PLXNB3: variants seen among roughly 807,000 people sequenced by gnomAD.
The protein encoded by PLXNB3 is plexin B3, also known as plexin-B3.
PLXNB3 carries 80 observed loss-of-function variants against 125.7 expected under a neutral mutation model. The observed-to-expected ratio is 0.64, with a 90% CI of 0.53 to 0.77. The LOEUF (loss-of-function observed/expected upper bound fraction) is 0.77. Among genes scored for constraint, PLXNB3 ranks in the 30% least tolerant of loss-of-function variants. PLXNB3 has a pLI of 0.00. For missense variants in PLXNB3, 1,836 were observed against 1,729.3 expected, an observed-to-expected ratio of 1.06 and a Z score of -1.09; for synonymous variants, 954 against 783.3, an observed-to-expected ratio of 1.22 and a Z score of -3.64.
chrX:153,774,927 G>A lies in PLXNB3; in HGVS notation c.3979G>A (p.Gly1327Arg), dbSNP rs781827931. 22 of 1,189,591 alleles carry A rather than the reference G, an allele frequency of 1.8e-5. No individual in the cohort carries two copies. Among genetic ancestry groups the A allele is most frequent in the African/African-American group, 1.0e-4 (6 of 57,375 alleles). The part of the protein sequence containing the change: ...TDLSSDLEGS[G>R]IPFLDYRTYA... Reference sequence around the variant, plus strand: ...CCTCAGCAGCGACCTGGAGGGCAGCGGGATCCCCTTCCTGGACTACCGCAC... The same window carrying A: ...CCTCAGCAGCGACCTGGAGGGCAGCAGGATCCCCTTCCTGGACTACCGCAC... The change falls in exon 24 of 36, where the codon GGG becomes AGG. Residue 1327 changes from glycine to arginine, a missense_variant. Physicochemically the swap from Gly to Arg is moderately radical, Grantham distance 125. Coordinates refer to ENST00000361971, the MANE Select transcript of PLXNB3 (RefSeq NM_005393.3).
At chrX:153,769,707 C>A in intron 6 of PLXNB3, 100 bp from the exon 7 acceptor site, 1 of 891,324 alleles carries the variant, frequency 1.1e-6, no homozygotes, top group Non-Finnish European at 1.6e-6. Flanking sequence ...TCATTGCACC[C>A]CACTGCACTC....
chrX:153,771,834 AC>A (rs2091934118), intron 14 of PLXNB3, 29 bp from the exon 15 acceptor site: 2 of 1,195,849 alleles, frequency 1.7e-6, no homozygotes, highest in African/African-American at 1.8e-5. Flanking sequence ...GGTGCGGGGG[AC>A]CCCATCTGCC....
chrX:153,774,962 G>A lies in PLXNB3; in HGVS notation c.4014G>A (p.Glu1338=), dbSNP rs781800524. 2.5e-6 allele frequency: 3 copies of A among 1,193,300 alleles called. No individual in the cohort carries two copies. The South Asian group carries it at 5.5e-5, about 22-fold the overall frequency. Residue 1338 remains glutamate, a synonymous_variant, in exon 24 of 36, where the codon GAG becomes GAA. Transcript: ENST00000361971. ...IPFLDYRTYA[E]RAFFPGHGGC... ...TCCTGGACTACCGCACCTACGCCGA[G>A]CGCGCCTTCTTCCCTGGCCATGGCG...
In PLXNB3 at chrX:153,773,854, C is replaced by A; in HGVS notation, c.3280-5C>A. On this transcript the variant is annotated splice_region_variant and splice_polypyrimidine_tract_variant and intron_variant, in intron 19 of 35. Coordinates refer to ENST00000361971, the MANE Select transcript of PLXNB3 (RefSeq NM_005393.3). ...CACCTGTGGTCGGCCCTGAATGCCC[C>A]ACAGTGCTCCACCGTCTGCTCCGTC... 3 of 1,211,038 alleles carry A rather than the reference C, an allele frequency of 2.5e-6. No individual in the cohort carries two copies. Among genetic ancestry groups the A allele is most frequent in the Non-Finnish European group, 3.4e-6 (3 of 895,436 alleles).
At chrX:153,765,370 G>T in intron 1 of PLXNB3, 101 bp from the exon 2 acceptor site, 1 of 588,084 alleles carries the variant, frequency 1.7e-6, no homozygotes, top group Non-Finnish European at 2.7e-6. Context: ...AGCTGTGAGG[G>T]AGCCCGGTCG....
At chrX:153,766,823 T>C in intron 2 of PLXNB3, 50 bp from the exon 3 acceptor site, 1 of 1,126,922 alleles carries the variant, frequency 8.9e-7, no homozygotes, top group Non-Finnish European at 1.2e-6. Context: ...CTTCCTCTGG[T>C]CCTCTATCTG....
chrX:153,768,142 G>A, intron 3 of PLXNB3, 107 bp from the exon 4 acceptor site: 9 of 905,398 alleles, frequency 9.9e-6, no homozygotes, highest in South Asian at 2.4e-5. Flanking sequence ...TGGGCCTTGG[G>A]GTCATCCCAG....
rs1557062506 is a variant in PLXNB3 at position 153,772,920 on chromosome X, GC to G, written c.2815del (p.Gln939ArgfsTer80). ...CTGCTGAGCCTGAGTCCTCGCTGGG[GC>G]CCCCAGGCAGGGGGCACCCAGCTCA... Reference protein sequence around the residue: ...PVLLSLSPRWGPQAGGTQLTI... With the variant: ...PVLLSLSPRWXPQAGGTQLTI... On this transcript the variant is annotated frameshift_variant, in exon 17 of 36. Coordinates refer to ENST00000361971, the MANE Select transcript of PLXNB3 (RefSeq NM_005393.3). LOFTEE classifies it high-confidence loss of function. 3.4e-6 allele frequency: 4 copies of G among 1,168,262 alleles called. No individual in the cohort carries two copies. Among genetic ancestry groups the G allele is most frequent in the Admixed American group, 2.7e-5 (1 of 36,851 alleles).
Position 153,769,279 on chromosome X carries a change from T to A in PLXNB3, c.1496+17T>A, listed in dbSNP as rs1404411551. Reference sequence around the variant, plus strand: ...CCAGGGCAGGTGAGCACGGGGCCTGTGCCTAGGCTAGGGCCAACGGGTGGT... The same window carrying A: ...CCAGGGCAGGTGAGCACGGGGCCTGAGCCTAGGCTAGGGCCAACGGGTGGT... On this transcript the variant is annotated intron_variant, in intron 6 of 35. Transcript: ENST00000361971. 1 of 1,129,154 alleles carries A rather than the reference T, an allele frequency of 8.9e-7. No individual in the cohort carries two copies. Among genetic ancestry groups the A allele is most frequent in the East Asian group, 3.3e-5 (1 of 30,692 alleles). The allele number at this position is 1,129,154 out of a possible 1,213,427, so 93.1% of individuals were successfully genotyped here. A position where few individuals can be genotyped will look rare whatever the true frequency, so the allele number is the denominator to read the frequency against.
chrX:153,773,327 C>T lies in PLXNB3; in HGVS notation c.3004C>T (p.Arg1002Cys), dbSNP rs782755267. 3.3e-6 allele frequency: 4 copies of T among 1,208,270 alleles called. No individual in the cohort carries two copies. The Admixed American group carries it at 6.5e-5, about 20-fold the overall frequency. ...CCTTGTGGTCTTTGGCCATGCCCAG[C>T]GCACACTGCTCGCCAGCCCCTTCCG... The part of the protein sequence containing the change: ...AVLVVFGHAQ[R>C]TLLASPFRYT... Residue 1002 changes from arginine (R) to cysteine (C), a missense_variant, in exon 18 of 36, where the codon CGC becomes TGC. Coordinates refer to ENST00000361971, the MANE Select transcript of PLXNB3 (RefSeq NM_005393.3).
intron 3 of PLXNB3, 28 bp from the exon 4 acceptor site, chrX:153,768,221 G>A (rs1557060073): frequency 1.7e-6 from 2 of 1,165,425 alleles, no homozygotes; most frequent in African/African-American, 1.7e-5. Flanking sequence ...CTCTTCCGGG[G>A]GCTGATTCTC....
At position 153,775,422 on chromosome X, in the gene PLXNB3, C is replaced by T. The variant is rs782438185; in HGVS notation, c.4334+19C>T. 2.5e-6 allele frequency: 3 copies of T among 1,198,682 alleles called. No individual in the cohort carries two copies. Among genetic ancestry groups the T allele is most frequent in the Non-Finnish European group, 3.4e-6 (3 of 887,527 alleles). On this transcript the variant is annotated intron_variant, in intron 25 of 35. Coordinates refer to ENST00000361971, the MANE Select transcript of PLXNB3 (RefSeq NM_005393.3). ...TACGCAGGTTGGCCTTGACCTGGAC[C>T]CGGTGGCGGGGGTGAGGGCTTGCCA...
At chrX:153,771,153 G>A in intron 12 of PLXNB3, 72 bp downstream of exon 12, 2 of 1,007,382 alleles carry the variant, frequency 2.0e-6, no homozygotes, top group Non-Finnish European at 2.8e-6. Flanking sequence ...CATCTTTGTG[G>A]AGAGCCTGCT....
chrX:153,765,654 G>T, intron 2 of PLXNB3, 74 bp downstream of exon 2: 1 of 1,165,658 alleles, frequency 8.6e-7, no homozygotes. Context: ...CTGTGGCCAG[G>T]CCCAGGACAT....
chrX:153,776,889 C>A lies in PLXNB3; in HGVS notation c.4836C>A (p.Val1612=). 1 of 1,188,428 alleles carries A rather than the reference C, an allele frequency of 8.4e-7. No individual in the cohort carries two copies. Among genetic ancestry groups the A allele is most frequent in the African/African-American group, 1.7e-5 (1 of 57,472 alleles). Residue 1612 remains valine, a splice_region_variant and synonymous_variant, in exon 29 of 36, where the codon GTC becomes GTA. Transcript: ENST00000361971. Reference sequence around the variant, plus strand: ...CCTCCGCTCCCCATCTCTGCCAGGTCCCAGATGGAGCAACAGTGGGGCTCG... The same window carrying A: ...CCTCCGCTCCCCATCTCTGCCAGGTACCAGATGGAGCAACAGTGGGGCTCG... ...KRLNTLQHYK[V]PDGATVGLVP...
In PLXNB3 at chrX:153,770,463, G is replaced by C; in HGVS notation, c.1895+17G>C. 2.5e-6 allele frequency: 3 copies of C among 1,200,550 alleles called. No homozygotes were observed. Among genetic ancestry groups the C allele is most frequent in the Non-Finnish European group, 3.4e-6 (3 of 886,910 alleles). On this transcript the variant is annotated intron_variant, in intron 9 of 35. Transcript: ENST00000361971. ...GGCTGCCCCGTGAGTCCCTGGGCCT[G>C]CCTCCTGGGGTAGGGGTGGCGACCC...
rs1465950834 is a variant in PLXNB3, at chrX:153,766,418, A to G, written c.46-455A>G. ...TCTCTCTTGTCTGGGTGGTGGGCGCAGGGGCGCGCTGTGACACAGCTTCCG... is the reference window on the plus strand; with the variant it reads ...TCTCTCTTGTCTGGGTGGTGGGCGCGGGGGCGCGCTGTGACACAGCTTCCG... On this transcript the variant is annotated intron_variant, in intron 2 of 35. Coordinates refer to ENST00000361971, the MANE Select transcript of PLXNB3 (RefSeq NM_005393.3). 5.6e-6 allele frequency: 6 copies of G among 1,076,431 alleles called. No individual in the cohort carries two copies. In the East Asian group the frequency reaches 1.8e-4, roughly 32 times the overall value. 88.7% of individuals were successfully genotyped at this position (1,076,431 alleles called of 1,213,427 possible).
At position 153,769,839 on chromosome X, in the gene PLXNB3, G is replaced by T. The variant is rs148901418; in HGVS notation, c.1529G>T (p.Gly510Val). The T allele has an allele frequency of 5.0e-6, 6 of 1,203,995 alleles. No individual in the cohort carries two copies. The African/African-American group carries it at 1.0e-4, about 21-fold the overall frequency. ...CTRKGQCGRA[G>V]QLNQWLWSYE... ...CGGAAGGGCCAGTGCGGGCGGGCAGGCCAGCTGAACCAGTGGCTGTGGAGT... is the reference window on the plus strand; with the variant it reads ...CGGAAGGGCCAGTGCGGGCGGGCAGTCCAGCTGAACCAGTGGCTGTGGAGT... Residue 510 changes from glycine (G) to valine (V), a missense_variant, in exon 7 of 36, where the codon GGC becomes GTC. By Grantham distance (109) the Gly-to-Val change is moderately radical. Transcript: ENST00000361971.
intron 19 of PLXNB3, 21 bp from the exon 20 acceptor site, chrX:153,773,838 T>C: frequency 8.3e-7 from 1 of 1,210,215 alleles, no homozygotes. Context: ...CCACCTGTGG[T>C]CGGCCCTGAA....
Sources: allele counts gnomAD v4.1 joint callset, GRCh38; gene constraint gnomAD v4.1.1; transcripts MANE v1.5; gene names NCBI Gene and HGNC (gene_info 2026-07-23, HGNC 2026-07-21).